Variants in EIF4G3 observed in about 807,000 individuals in gnomAD.
EIF4G3 encodes the protein eIF-4-gamma 3.
In EIF4G3, 34 loss-of-function variants were observed where a neutral mutation model predicts 186.4. The observed-to-expected ratio is 0.18, with a 90% CI of 0.14 to 0.24. The LOEUF is 0.24. Ranked by LOEUF, EIF4G3 falls within the 10% of genes least tolerant of loss-of-function variation. EIF4G3 has a pLI of 1.00. For synonymous variants in EIF4G3, 673 were observed against 679.5 expected, an observed-to-expected ratio of 0.99 and a Z score of 0.15; for missense variants, 1,536 against 1,948.5, an observed-to-expected ratio of 0.79 and a Z score of 3.99.
chr1:20,936,202 T>G (rs1424465858), intron 14 of EIF4G3, among the ~76,000 whole-genome samples: 1 of 152,176 alleles, frequency 6.6e-6, no homozygotes, highest in Non-Finnish European at 1.5e-5. Context: ...AAGAGTTTAC[T>G]GGGGAGGGAA....
intron 7 of EIF4G3, among the ~76,000 whole-genome samples, chr1:20,995,169 C>G (rs951032061): frequency 1.3e-5 from 2 of 152,112 alleles, no homozygotes; most frequent in African/African-American, 4.8e-5. Flanking sequence ...TCTTAGAGAA[C>G]AGAATTTCCC....
chr1:20,855,333 G>A (rs1487320810), intron 25 of EIF4G3, among the ~76,000 whole-genome samples: 1 of 152,082 alleles, frequency 6.6e-6, no homozygotes, highest in Non-Finnish European at 1.5e-5. Flanking sequence ...GTTTAAGATG[G>A]TTTATGAATT....
At chr1:21,041,749 C>T (rs1399462051) in intron 4 of EIF4G3, among the ~76,000 whole-genome samples, 1 of 152,074 alleles carries the variant, frequency 6.6e-6, no homozygotes, top group Admixed American at 6.5e-5. Flanking sequence ...ATGAAACAAA[C>T]TACTTTACAG....
intron 14 of EIF4G3, among the ~76,000 whole-genome samples, chr1:20,937,798 A>T (rs911713717): frequency 1.3e-5 from 2 of 152,212 alleles, no homozygotes; most frequent in African/African-American, 4.8e-5. Context: ...CTCCCACCAG[A>T]TACAGAGAAT....
intron 18 of EIF4G3, among the ~76,000 whole-genome samples, chr1:20,889,284 C>T (rs2085190139): frequency 6.6e-6 from 1 of 152,056 alleles, no homozygotes; most frequent in Admixed American, 6.6e-5. Context: ...GGAAGACAAC[C>T]AAGTGTTCCT....
At chr1:20,909,656 T>C (rs2092864117) in intron 14 of EIF4G3, among the ~76,000 whole-genome samples, 1 of 152,216 alleles carries the variant, frequency 6.6e-6, no homozygotes, top group Non-Finnish European at 1.5e-5. Flanking sequence ...TTTTGTTTGT[T>C]TGTTTTTGTT....
At chr1:20,915,790 CCT>C (rs2093796459) in intron 14 of EIF4G3, among the ~76,000 whole-genome samples, 1 of 152,076 alleles carries the variant, frequency 6.6e-6, no homozygotes, top group South Asian at 2.1e-4. Flanking sequence ...ATGATTTCTC[CCT>C]GAGATCAGAA....
intron 4 of EIF4G3, among the ~76,000 whole-genome samples, chr1:21,035,980 A>G (rs1442205982): frequency 6.6e-6 from 1 of 152,194 alleles, no homozygotes; most frequent in Non-Finnish European, 1.5e-5. Flanking sequence ...CAGGATGACC[A>G]GCTGTAGAGA....
chr1:21,071,805 CAAA>C (rs545364139), intron 3 of EIF4G3, among the ~76,000 whole-genome samples: 1 of 91,354 alleles, frequency 1.1e-5, no homozygotes, highest in African/African-American at 4.3e-5. Context: ...GGCTCCGTCT[CAAA>C]AAAAAAAAAA....
chr1:21,035,792 A>G (rs1052728204), intron 4 of EIF4G3, among the ~76,000 whole-genome samples: 1 of 152,124 alleles, frequency 6.6e-6, no homozygotes, highest in Non-Finnish European at 1.5e-5. Context: ...GTGAGGCCCC[A>G]CCTTTTGCCA....
intron 4 of EIF4G3, among the ~76,000 whole-genome samples, chr1:21,028,506 TAC>T (rs2092405852): frequency 6.6e-6 from 1 of 152,230 alleles, no homozygotes; most frequent in South Asian, 2.1e-4. Flanking sequence ...AAAGGAGGAA[TAC>T]AGAGTGGCTT....
intron 35 of EIF4G3, among the ~76,000 whole-genome samples, chr1:20,811,144 G>C (rs1315336966): frequency 1.3e-5 from 2 of 152,090 alleles, no homozygotes; most frequent in African/African-American, 4.8e-5. Flanking sequence ...AGCAGAGACA[G>C]GGTTTCACCA....
At chr1:20,845,676 ATAAT>A (rs1447618535) in intron 29 of EIF4G3, among the ~76,000 whole-genome samples, 1 of 151,904 alleles carries the variant, frequency 6.6e-6, no homozygotes, top group African/African-American at 2.4e-5. Context: ...AAAAAAATAA[ATAAT>A]AAATAAATAA....
At chr1:20,836,273 T>C (rs2066737998) in intron 30 of EIF4G3, among the ~76,000 whole-genome samples, 1 of 152,168 alleles carries the variant, frequency 6.6e-6, no homozygotes, top group South Asian at 2.1e-4. Flanking sequence ...AGATAGGATC[T>C]CACTCTGTTG....
chr1:20,833,810 T>C (rs188828574), intron 30 of EIF4G3, among the ~76,000 whole-genome samples: 1 of 152,154 alleles, frequency 6.6e-6, no homozygotes, highest in Non-Finnish European at 1.5e-5. Flanking sequence ...TTCAACATAA[T>C]AAGAGCTATC....
intron 2 of EIF4G3, among the ~76,000 whole-genome samples, chr1:21,100,198 T>G (rs2096485002): frequency 6.6e-6 from 1 of 152,136 alleles, no homozygotes; most frequent in Admixed American, 6.5e-5. Flanking sequence ...TTGCCTAAGC[T>G]GAAGGGAGAG....
intron 2 of EIF4G3, among the ~76,000 whole-genome samples, chr1:21,126,550 C>G (rs543791666): frequency 1.3e-5 from 2 of 151,942 alleles, no homozygotes; most frequent in East Asian, 3.9e-4. Context: ...CAGCTACTCC[C>G]GAGAATGGCA....
intron 3 of EIF4G3, among the ~76,000 whole-genome samples, chr1:21,065,280 G>A (rs1273448915): frequency 1.3e-5 from 2 of 150,626 alleles, no homozygotes; most frequent in African/African-American, 4.9e-5. Flanking sequence ...GCTGAGTCAC[G>A]AATTATCACT....
At chr1:21,117,948 A>C (rs978592090) in intron 2 of EIF4G3, among the ~76,000 whole-genome samples, 1 of 152,002 alleles carries the variant, frequency 6.6e-6, no homozygotes, top group African/African-American at 2.4e-5. Flanking sequence ...ACTACATTTC[A>C]ATTTACTCTT....
Sources: gnomAD v4.1 joint callset for allele counts (sites outside exome capture counted in the v4.1 genomes callset) on GRCh38, gnomAD v4.1.1 for gene constraint, MANE v1.5 for transcripts, NCBI Gene and HGNC (gene_info 2026-07-23, HGNC 2026-07-21) for gene names.